The following CYFIP1 variants were observed in gnomAD, a reference collection of about 807,000 sequenced individuals.
CYFIP1 encodes the protein cytoplasmic FMR1 interacting protein 1, also known as cytoplasmic FMR1-interacting protein 1.
A neutral mutation model predicts 163.5 loss-of-function variants in CYFIP1; 58 were observed. The observed-to-expected ratio is 0.35, with a 90% CI of 0.29 to 0.44. CYFIP1 has a LOEUF of 0.44. CYFIP1 is among the 20% of genes least tolerant of loss of function. The pLI, the probability that CYFIP1 is intolerant of heterozygous loss-of-function variation, is 1.00. For missense variants in CYFIP1, 1,338 were observed against 1,653.8 expected (o/e 0.81, Z 3.31); for synonymous variants, 663 against 660.7 (o/e 1.00, Z -0.05).
chr15:22,893,452 C>T (rs1290006955), intron 22 of CYFIP1, among the ~76,000 whole-genome samples: 1 of 152,146 alleles, frequency 6.6e-6, no homozygotes, highest in Non-Finnish European at 1.5e-5. Flanking sequence ...CACTTAAAAT[C>T]GAATGTGTCC....
rs17137199 is a variant in CYFIP1, at chr15:22,917,422, C to T, written c.1674+366G>A. The T allele has an allele frequency of 5.1e-3, 3,209 of 634,634 alleles. 78 individuals carry two copies. The African/African-American group carries it at 0.054, about 11-fold the overall frequency. The allele number at this position is 634,634 out of a possible 1,614,324, so 39.3% of individuals were successfully genotyped here. On this transcript the variant is annotated intron_variant, in intron 15 of 30. Coordinates refer to ENST00000617928, the MANE Select transcript of CYFIP1 (RefSeq NM_014608.6). This position sits in a 1 kb window ranked among gnomAD's most constrained non-coding sequence, Gnocchi z 4.2. The stretch of plus-strand genomic sequence containing the variant: ...GCAAGCAGCACCTCACAGTTTCCCA[C>T]GCCCCATCTACAGTCATTTGCAGAC...
In CYFIP1 at chr15:22,937,220, C is replaced by G. The variant is rs111674115; in HGVS notation, c.796-12G>C. ...CCAAATCCCATGACCTGAAAAGCCA[C>G]AAAATGAATGATGCGACAAAGCTCA... is the stretch of plus-strand genomic sequence containing the variant. On this transcript the variant is annotated splice_polypyrimidine_tract_variant and intron_variant, in intron 8 of 30. Coordinates refer to ENST00000617928, the MANE Select transcript of CYFIP1 (RefSeq NM_014608.6). 3 of 1,509,412 alleles carry G rather than the reference C, an allele frequency of 2.0e-6. No individual in the cohort carries two copies. In the East Asian group the frequency reaches 6.8e-5, roughly 34 times the overall value. 93.5% of individuals were successfully genotyped at this position (1,509,412 alleles called of 1,614,324 possible).
At chr15:22,939,732 C>G (rs1020116930) in intron 6 of CYFIP1, among the ~76,000 whole-genome samples, 1 of 152,114 alleles carries the variant, frequency 6.6e-6, no homozygotes, top group Non-Finnish European at 1.5e-5. Flanking sequence ...CTTGCACAGG[C>G]TGGGACAGCT....
chr15:22,906,801 G>A (rs2060601353), intron 21 of CYFIP1, among the ~76,000 whole-genome samples: 7 of 152,148 alleles, frequency 4.6e-5, no homozygotes, highest in Admixed American at 4.6e-4. Context: ...TTAGCTCACT[G>A]TGAAAGATGA....
rs539239530 is a variant in CYFIP1 at position 22,947,588 on chromosome 15, G to T, written c.-6-297C>A. ...GTTCCTGCCATCCTTCCCACCATGGGGGCCGCCGTCCTGAGTTGCTGGTGC... is the reference window on the plus strand; with the variant it reads ...GTTCCTGCCATCCTTCCCACCATGGTGGCCGCCGTCCTGAGTTGCTGGTGC... On this transcript the variant is annotated intron_variant, in intron 1 of 30. Transcript: ENST00000617928. 1.9e-3 allele frequency among the ~76,000 whole-genome samples: 290 copies of T among 152,164 alleles called. 4 individuals are homozygous for T. Among genetic ancestry groups the T allele is most frequent in the African/African-American group, 6.7e-3 (280 of 41,516 alleles).
intron 18 of CYFIP1, among the ~76,000 whole-genome samples, 193 bp downstream of exon 18, chr15:22,911,986 G>A (rs1265924241): frequency 2.0e-5 from 3 of 152,276 alleles, no homozygotes; most frequent in East Asian, 1.9e-4. Context: ...AGTGACACAC[G>A]GTCAAGTGAA....
intron 26 of CYFIP1, among the ~76,000 whole-genome samples, chr15:22,878,147 A>G (rs4778455): frequency 0.78 from 119,190 of 152,214 alleles, 46,912 homozygotes; most frequent in East Asian, 0.93. Flanking sequence ...ACGAAGTGCC[A>G]TTCCCATGCA....
At chr15:22,942,828 G>C (rs1359841012) in intron 6 of CYFIP1, among the ~76,000 whole-genome samples, 1 of 152,206 alleles carries the variant, frequency 6.6e-6, no homozygotes, top group Admixed American at 6.5e-5. Context: ...CTGCCCCCTT[G>C]CCAAGATGCT....
chr15:22,872,317 AAAAAG>A, intron 30 of CYFIP1, among the ~76,000 whole-genome samples: 1 of 151,912 alleles, frequency 6.6e-6, no homozygotes, highest in East Asian at 1.9e-4. Context: ...AAAAGAAAGA[AAAAAG>A]AAAACTGATA....
At chr15:22,871,543 T>A (rs1457482367) in intron 30 of CYFIP1, among the ~76,000 whole-genome samples, 1 of 152,162 alleles carries the variant, frequency 6.6e-6, no homozygotes, top group Non-Finnish European at 1.5e-5. Flanking sequence ...GAGAGGCCCA[T>A]GACCTGGAGC....
chr15:22,955,392 G>A (rs988991531), intron 1 of CYFIP1, among the ~76,000 whole-genome samples: 5 of 152,254 alleles, frequency 3.3e-5, no homozygotes, highest in Non-Finnish European at 7.3e-5. Context: ...CAGAGGCACA[G>A]AGGTACAGAT....
At chr15:22,875,735 G>C (rs1261092111) in intron 26 of CYFIP1, among the ~76,000 whole-genome samples, 2 of 151,754 alleles carry the variant, frequency 1.3e-5, no homozygotes, top group Non-Finnish European at 2.9e-5. Flanking sequence ...GAGATGGAAG[G>C]AGTAGGGGTG....
chr15:22,884,778 C>G (rs1448767547), intron 23 of CYFIP1, among the ~76,000 whole-genome samples: 1 of 152,194 alleles, frequency 6.6e-6, no homozygotes, highest in Non-Finnish European at 1.5e-5. Context: ...CACAGCAAAC[C>G]TCTGCATGGA....
Position 22,887,232 on chromosome 15 carries a change from A to AC in CYFIP1, c.2677-4222dup, listed in dbSNP as rs558478151. ...TATCAGATGTGTAGAGGGTCATGAGACCCCCCAAAACAAAGAGCCAAAACT... is the reference window on the plus strand; with the variant it reads ...TATCAGATGTGTAGAGGGTCATGAGACCCCCCCAAAACAAAGAGCCAAAACT... On this transcript the variant is annotated intron_variant, in intron 23 of 30. Coordinates refer to ENST00000617928, the MANE Select transcript of CYFIP1 (RefSeq NM_014608.6). Among the ~76,000 whole-genome samples the AC allele has an allele frequency of 1.3e-3, 202 of 152,042 alleles. 1 individual carries two copies. The highest frequency in any genetic ancestry group is 4.5e-3 in the African/African-American group (187 of 41,452).
In CYFIP1 at chr15:22,958,003, C is replaced by T. The variant is rs531066387; in HGVS notation, c.-6-10712G>A. On this transcript the variant is annotated intron_variant, in intron 1 of 30. Coordinates refer to ENST00000617928, the MANE Select transcript of CYFIP1 (RefSeq NM_014608.6). ...ACGGCCTGACCGCACGGCTGCAGCA[C>T]AGAAACAGGCTGTCATGACCAGCAA... Among the ~76,000 whole-genome samples, 121 of 152,066 alleles carry T rather than the reference C, an allele frequency of 8.0e-4. 1 individual carries two copies. The highest frequency in any genetic ancestry group is 3.4e-3 in the Admixed American group (52 of 15,268).
chr15:22,965,949 C>CT (rs2062887089), intron 1 of CYFIP1, among the ~76,000 whole-genome samples: 1 of 152,130 alleles, frequency 6.6e-6, no homozygotes, highest in African/African-American at 2.4e-5. Flanking sequence ...GTGTTGAAGC[C>CT]TTAACCCCCA....
At chr15:22,937,340 G>T (rs575269063) in intron 8 of CYFIP1, 132 bp from the exon 9 acceptor site, 51 of 619,522 alleles carry the variant, frequency 8.2e-5, no homozygotes, top group Non-Finnish European at 1.4e-4. Context: ...TCTATCTTTA[G>T]GCTGCTTGTC....
At chr15:22,874,202 T>A (rs1004647090) in intron 28 of CYFIP1, among the ~76,000 whole-genome samples, 1 of 152,246 alleles carries the variant, frequency 6.6e-6, no homozygotes, top group Non-Finnish European at 1.5e-5. Flanking sequence ...GCTGGATCAC[T>A]GTAGAACTCT....
chr15:22,947,324 A>T (rs1407935954), intron 1 of CYFIP1, 33 bp from the exon 2 acceptor site: 2 of 1,599,326 alleles, frequency 1.3e-6, no homozygotes, highest in Non-Finnish European at 1.7e-6. Context: ...CTGTTCTGTG[A>T]GGAGAAGGAG....
Sources: gnomAD v4.1 joint callset for allele counts (sites outside exome capture counted in the v4.1 genomes callset) on GRCh38, gnomAD v4.1.1 for gene constraint, Gnocchi (gnomAD v3.1) non-coding constraint, MANE v1.5 for transcripts, NCBI Gene and HGNC (gene_info 2026-07-23, HGNC 2026-07-21) for gene names.